PHLPP1: variants seen among roughly 807,000 people sequenced by gnomAD.
PHLPP1 encodes PH domain leucine-rich repeat-containing protein phosphatase 1.
In PHLPP1, 42 loss-of-function variants were observed where a neutral mutation model predicts 117.2. The ratio of observed to expected loss-of-function variants is 0.36; its 90% CI spans 0.28 to 0.46. The LOEUF is 0.46. Among genes scored for constraint, PHLPP1 ranks in the 20% least tolerant of loss-of-function variants. The pLI, the probability that PHLPP1 is intolerant of heterozygous loss-of-function variation, is 1.00. For synonymous variants in PHLPP1, 1,042 were observed against 970.7 expected, an observed-to-expected ratio of 1.07 and a Z score of -1.37; for missense variants, 2,084 against 2,241.9, an observed-to-expected ratio of 0.93 and a Z score of 1.42.
At chr18:62,779,238 T>C (rs977452123) in intron 1 of PHLPP1, among the ~76,000 whole-genome samples, 2 of 152,178 alleles carry the variant, frequency 1.3e-5, no homozygotes, top group African/African-American at 2.4e-5. Flanking sequence ...GTTGGTAATC[T>C]TCTTTTCCAG....
chr18:62,871,105 G>C (rs937937271), intron 4 of PHLPP1, among the ~76,000 whole-genome samples: 1 of 152,128 alleles, frequency 6.6e-6, no homozygotes, highest in Non-Finnish European at 1.5e-5. Context: ...TTGCAATAGA[G>C]AATGATTTTT....
At chr18:62,798,638 C>G (rs114225317) in intron 1 of PHLPP1, among the ~76,000 whole-genome samples, 176 of 152,258 alleles carry the variant, frequency 1.2e-3, no homozygotes, top group African/African-American at 4.2e-3. Flanking sequence ...TTTGACAACT[C>G]TAGCAAAACT....
chr18:62,817,277 A>G (rs1425860330), intron 1 of PHLPP1, among the ~76,000 whole-genome samples: 3 of 152,216 alleles, frequency 2.0e-5, no homozygotes, highest in Non-Finnish European at 2.9e-5. Context: ...AATGATACAA[A>G]TGATAGACTT....
At chr18:62,791,022 TGAG>T (rs1193070910) in intron 1 of PHLPP1, among the ~76,000 whole-genome samples, 2 of 152,082 alleles carry the variant, frequency 1.3e-5, no homozygotes, top group African/African-American at 2.4e-5. Flanking sequence ...TGTGCTGAGT[TGAG>T]GAGCTGGCGA....
At chr18:62,951,297 G>A (rs1044652395) in intron 12 of PHLPP1, among the ~76,000 whole-genome samples, 4 of 151,492 alleles carry the variant, frequency 2.6e-5, no homozygotes, top group African/African-American at 9.7e-5. Flanking sequence ...GACTAGTTTT[G>A]TGTGTGTTTG....
intron 1 of PHLPP1, among the ~76,000 whole-genome samples, chr18:62,783,679 T>C (rs1913194585): frequency 9.8e-6 from 1 of 102,004 alleles, no homozygotes; most frequent in Non-Finnish European, 1.9e-5. Context: ...TTTTGCCCTT[T>C]TTTCTTGATG....
intron 10 of PHLPP1, among the ~76,000 whole-genome samples, chr18:62,929,936 G>A (rs1428160880): frequency 6.6e-6 from 1 of 152,126 alleles, no homozygotes; most frequent in South Asian, 2.1e-4. Flanking sequence ...TAGCCTGAGT[G>A]ACAGACCGTC....
chr18:62,766,879 G>T (rs1303863566), intron 1 of PHLPP1, among the ~76,000 whole-genome samples: 1 of 152,040 alleles, frequency 6.6e-6, no homozygotes, highest in Non-Finnish European at 1.5e-5. Flanking sequence ...TTATGTGAGG[G>T]TAACAAATTT....
intron 1 of PHLPP1, among the ~76,000 whole-genome samples, chr18:62,789,133 A>G (rs1023704079): frequency 1.3e-5 from 2 of 152,164 alleles, no homozygotes; most frequent in Non-Finnish European, 2.9e-5. Flanking sequence ...ATGAGCACAC[A>G]GGGGGTGGGG....
intron 1 of PHLPP1, among the ~76,000 whole-genome samples, chr18:62,738,560 T>G (rs1911434398): frequency 6.6e-6 from 1 of 152,214 alleles, no homozygotes; most frequent in African/African-American, 2.4e-5. Flanking sequence ...CCATTGATTT[T>G]GGTATCTTTT....
At chr18:62,743,377 G>A (rs967323245) in intron 1 of PHLPP1, among the ~76,000 whole-genome samples, 3 of 150,928 alleles carry the variant, frequency 2.0e-5, no homozygotes, top group Admixed American at 6.6e-5. Context: ...GAACTCTCAC[G>A]TAATCATTAC....
chr18:62,842,122 CAAT>C (rs1915069292), intron 3 of PHLPP1, among the ~76,000 whole-genome samples: 1 of 152,080 alleles, frequency 6.6e-6, no homozygotes, highest in Non-Finnish European at 1.5e-5. Context: ...CTAACTAACT[CAAT>C]AAAATAATTT....
rs537943195 is a variant in PHLPP1, at chr18:62,958,609, T to C, written c.3325-20T>C. 2 of 1,613,526 alleles carry C rather than the reference T, an allele frequency of 1.2e-6. No homozygotes were observed. Among genetic ancestry groups the C allele is most frequent in the Admixed American group, 1.7e-5 (1 of 60,018 alleles). Reference sequence around the variant, plus strand: ...TTCTCTAGACCATCTCTTTCTTGTTTGCACTTGTTCTTTTTTCAGTGTGTG... The same window carrying C: ...TTCTCTAGACCATCTCTTTCTTGTTCGCACTTGTTCTTTTTTCAGTGTGTG... On this transcript the variant is annotated intron_variant, in intron 12 of 16. Coordinates refer to ENST00000262719, the MANE Select transcript of PHLPP1 (RefSeq NM_194449.4).
intron 1 of PHLPP1, among the ~76,000 whole-genome samples, chr18:62,814,881 A>G (rs926521403): frequency 8.5e-5 from 13 of 152,150 alleles, no homozygotes; most frequent in Non-Finnish European, 1.5e-4. Flanking sequence ...CAGTAAATAG[A>G]ATTATGTGAA....
intron 1 of PHLPP1, among the ~76,000 whole-genome samples, chr18:62,768,104 A>C (rs1306208532): frequency 6.6e-6 from 1 of 152,224 alleles, no homozygotes; most frequent in Non-Finnish European, 1.5e-5. Context: ...GTTTGTTTTC[A>C]TTGACACTGA....
At chr18:62,806,800 A>G (rs112583831) in intron 1 of PHLPP1, among the ~76,000 whole-genome samples, 2 of 152,022 alleles carry the variant, frequency 1.3e-5, no homozygotes, top group African/African-American at 4.8e-5. Context: ...ATATTCTTCA[A>G]CTCTAAAGCT....
intron 1 of PHLPP1, among the ~76,000 whole-genome samples, chr18:62,769,455 A>G (rs904026525): frequency 1.3e-5 from 2 of 152,226 alleles, no homozygotes; most frequent in Admixed American, 6.5e-5. Flanking sequence ...AAACAACTTT[A>G]AACAAACTCT....
chr18:62,798,878 T>C (rs1913698359), intron 1 of PHLPP1, among the ~76,000 whole-genome samples: 1 of 152,108 alleles, frequency 6.6e-6, no homozygotes, highest in Non-Finnish European at 1.5e-5. Context: ...ACTAGATACC[T>C]GTGAAAAGAA....
chr18:62,935,092 A>G (rs1909932372), intron 10 of PHLPP1, among the ~76,000 whole-genome samples: 1 of 152,242 alleles, frequency 6.6e-6, no homozygotes, highest in Non-Finnish European at 1.5e-5. Flanking sequence ...GAGAGAAACT[A>G]TCTCTATTGC....
Sources: allele counts gnomAD v4.1 joint callset (sites outside exome capture counted in the v4.1 genomes callset), GRCh38; gene constraint gnomAD v4.1.1; transcripts MANE v1.5; gene names NCBI Gene and HGNC (gene_info 2026-07-23, HGNC 2026-07-21).